Variants in CAMTA1 observed in about 807,000 individuals in gnomAD.
CAMTA1 encodes calmodulin binding transcription activator 1.
In CAMTA1, 27 loss-of-function variants were observed where a neutral mutation model predicts 170.9. That is an observed-to-expected ratio of 0.16 (90% CI 0.12 to 0.22). The LOEUF (loss-of-function observed/expected upper bound fraction) is 0.22. CAMTA1 is among the 10% of genes least tolerant of loss of function. The pLI, the probability that CAMTA1 is intolerant of heterozygous loss-of-function variation, is 1.00. For synonymous variants in CAMTA1, 833 were observed against 891.5 expected (o/e 0.93, Z 1.17); for missense variants, 1,619 against 2,217.2 (o/e 0.73, Z 5.42).
chr1:7,689,850 C>A (rs928322616), intron 11 of CAMTA1, among the ~76,000 whole-genome samples: 1 of 152,264 alleles, frequency 6.6e-6, no homozygotes, highest in East Asian at 1.9e-4. Flanking sequence ...AGCTAGGACA[C>A]AAAGGCAGAT....
intron 6 of CAMTA1, among the ~76,000 whole-genome samples, chr1:7,542,298 G>A (rs2094622213): frequency 6.6e-6 from 1 of 151,900 alleles, no homozygotes; most frequent in Non-Finnish European, 1.5e-5. Context: ...CTATACTCAT[G>A]CCTATGGGTA....
intron 3 of CAMTA1, among the ~76,000 whole-genome samples, chr1:6,964,697 C>T (rs576243385): frequency 5.3e-4 from 80 of 152,326 alleles, no homozygotes; most frequent in African/African-American, 1.4e-3. Flanking sequence ...AAGAAATCCC[C>T]GCAGACGCTG....
intron 3 of CAMTA1, among the ~76,000 whole-genome samples, chr1:7,039,963 T>A (rs1704177184): frequency 6.6e-6 from 1 of 151,996 alleles, no homozygotes; most frequent in Admixed American, 6.6e-5. Context: ...TTTTTTTTTT[T>A]ATGGAGGAAT....
At position 7,768,098 on chromosome 1, in the gene CAMTA1, G is replaced by T. The variant is rs1273847839; in HGVS notation, c.*1607G>T. On this transcript the variant is annotated 3_prime_UTR_variant, in exon 23 of 23. Transcript: ENST00000303635. The stretch of plus-strand genomic sequence containing the variant: ...AACACCATCCACTCACTCCAACAAA[G>T]AACACTTAGAATGATAAAAAAAAAA... 2 of 93,802 alleles carry T rather than the reference G, an allele frequency of 2.1e-5. No homozygotes were observed. The highest frequency in any genetic ancestry group is 8.5e-5 in the African/African-American group (2 of 23,500). 5.8% of individuals were successfully genotyped at this position (93,802 alleles called of 1,614,324 possible). A position where few individuals can be genotyped will look rare whatever the true frequency, so the allele number is the denominator to read the frequency against.
chr1:7,706,091 T>TC (rs1214075808), intron 11 of CAMTA1, among the ~76,000 whole-genome samples: 1 of 152,238 alleles, frequency 6.6e-6, no homozygotes, highest in East Asian at 1.9e-4. Flanking sequence ...ATTTCTGAAA[T>TC]GATGATATTC....
rs997588683 is a variant in CAMTA1, at chr1:7,681,492, C to T, written c.2914+3759C>T. Among the ~76,000 whole-genome samples the T allele has an allele frequency of 2.0e-5, 3 of 152,156 alleles. No individual in the cohort carries two copies. The highest frequency in any genetic ancestry group is 2.9e-5 in the Non-Finnish European group (2 of 68,036). ...CATTTCTCCTCCACCCACAAAGGTGCGGATTCAGAACAAATTTCCTCTGTC... is the reference window on the plus strand; with the variant it reads ...CATTTCTCCTCCACCCACAAAGGTGTGGATTCAGAACAAATTTCCTCTGTC... On this transcript the variant is annotated intron_variant, in intron 11 of 22. Transcript: ENST00000303635. This position sits in a 1 kb window ranked among gnomAD's most constrained non-coding sequence, Gnocchi z 4.6.
intron 9 of CAMTA1, among the ~76,000 whole-genome samples, chr1:7,668,616 C>A (rs1053778898): frequency 6.6e-6 from 1 of 152,100 alleles, no homozygotes; most frequent in Non-Finnish European, 1.5e-5. Context: ...GAAGAGCCTG[C>A]AATTACAGCC....
intron 5 of CAMTA1, among the ~76,000 whole-genome samples, chr1:7,261,357 C>G (rs1055719541): frequency 6.6e-6 from 1 of 152,182 alleles, no homozygotes; most frequent in African/African-American, 2.4e-5. Flanking sequence ...TGTTTTGCAG[C>G]AGCTGAGATG....
intron 6 of CAMTA1, among the ~76,000 whole-genome samples, chr1:7,639,140 G>A (rs964297716): frequency 2.0e-5 from 3 of 151,994 alleles, no homozygotes; most frequent in Admixed American, 1.3e-4. Context: ...CACCATGCCC[G>A]GCTAATTTTT....
chr1:7,587,513 T>A (rs2095321399), intron 6 of CAMTA1, among the ~76,000 whole-genome samples: 2 of 152,116 alleles, frequency 1.3e-5, no homozygotes, highest in African/African-American at 4.8e-5. Context: ...TTTTTCCCAT[T>A]TTGATGATAT....
In CAMTA1 at chr1:6,812,550, C is replaced by T. The variant is rs538322321; in HGVS notation, c.46-7631C>T. Among the ~76,000 whole-genome samples, 199 of 152,196 alleles carry T rather than the reference C, an allele frequency of 1.3e-3. 1 individual carries two copies. The highest frequency in any genetic ancestry group is 6.8e-3 in the Middle Eastern group (2 of 294). ...AAACAATATCATTTTAAATGTTATACAGTTTTTTTTACTGAATGTATTCTA... is the reference window on the plus strand; with the variant it reads ...AAACAATATCATTTTAAATGTTATATAGTTTTTTTTACTGAATGTATTCTA... On this transcript the variant is annotated intron_variant, in intron 1 of 22. Transcript: ENST00000303635.
intron 9 of CAMTA1, among the ~76,000 whole-genome samples, chr1:7,670,003 G>A (rs562650787): frequency 3.3e-5 from 5 of 152,344 alleles, no homozygotes; most frequent in African/African-American, 1.2e-4. Flanking sequence ...CAGGCTGGTC[G>A]GAACGGGGAG....
At chr1:6,973,507 C>G (rs1047297891) in intron 3 of CAMTA1, among the ~76,000 whole-genome samples, 2 of 152,238 alleles carry the variant, frequency 1.3e-5, no homozygotes, top group Non-Finnish European at 1.5e-5. Context: ...ATCCCACGCT[C>G]CCTTTATGCA....
chr1:7,753,144 T>C (rs780539532), intron 21 of CAMTA1, among the ~76,000 whole-genome samples: 1 of 152,194 alleles, frequency 6.6e-6, no homozygotes, highest in Non-Finnish European at 1.5e-5. Context: ...CATCTTCAAT[T>C]AGTAGGAAAT....
chr1:6,933,870 G>T (rs1684855234), intron 3 of CAMTA1, among the ~76,000 whole-genome samples: 1 of 152,120 alleles, frequency 6.6e-6, no homozygotes, highest in Non-Finnish European at 1.5e-5. Flanking sequence ...GACTAGTGTG[G>T]CTGTATAACA....
intron 4 of CAMTA1, among the ~76,000 whole-genome samples, chr1:7,098,890 G>A (rs1036162203): frequency 1.3e-5 from 2 of 152,130 alleles, no homozygotes; most frequent in African/African-American, 2.4e-5. Flanking sequence ...AAGAGCTGAG[G>A]GTTGGCCTCC....
chr1:7,013,145 C>T (rs1447706686), intron 3 of CAMTA1, among the ~76,000 whole-genome samples: 1 of 151,642 alleles, frequency 6.6e-6, no homozygotes, highest in Non-Finnish European at 1.5e-5. Flanking sequence ...TCCGTGCCAG[C>T]ACTTCTCGCT....
rs190760618 is a variant in CAMTA1, at chr1:6,888,740, C to T, written c.234+63530C>T. ...ACCTCCACAGATGCCATGGTTACCC[C>T]GTCTTTATTCGTTGTGTGTTGGCAT... On this transcript the variant is annotated intron_variant, in intron 3 of 22. Transcript: ENST00000303635. Among the ~76,000 whole-genome samples, 300 of 152,322 alleles carry T rather than the reference C, an allele frequency of 2.0e-3. 1 individual carries two copies. Among genetic ancestry groups the T allele is most frequent in the African/African-American group, 6.9e-3 (286 of 41,572 alleles).
In CAMTA1 at chr1:7,173,672, G is replaced by C. The variant is rs1372247086; in HGVS notation, c.303-75819G>C. ...CAAAGTGCTGAGATTACAGGCGTGA[G>C]CCACCGTGCCCAGCCCAGAGCTTAA... is the stretch of plus-strand genomic sequence containing the variant. On this transcript the variant is annotated intron_variant, in intron 4 of 22. Transcript: ENST00000303635. The surrounding 1 kb of genome is among the most constrained non-coding windows in gnomAD (Gnocchi z 5.4). 6.6e-6 allele frequency among the ~76,000 whole-genome samples: 1 copy of C among 151,828 alleles called. No homozygotes were observed. The highest frequency in any genetic ancestry group is 1.5e-5 in the Non-Finnish European group (1 of 67,996).
Sources: allele counts gnomAD v4.1 joint callset (sites outside exome capture counted in the v4.1 genomes callset), GRCh38; gene constraint gnomAD v4.1.1; non-coding constraint Gnocchi (gnomAD v3.1); transcripts MANE v1.5; gene names NCBI Gene and HGNC (gene_info 2026-07-23, HGNC 2026-07-21).